NCOA1: variants seen among roughly 807,000 people sequenced by gnomAD.
NCOA1 encodes Hin-2 protein.
Under a neutral mutation model 150.9 loss-of-function variants are expected in NCOA1, and 35 were observed. The observed-to-expected ratio is 0.23, with a 90% CI of 0.18 to 0.31. NCOA1 has a LOEUF of 0.31. NCOA1 is among the 10% of genes least tolerant of loss of function. NCOA1 has a pLI of 1.00. For missense variants in NCOA1, 1,491 were observed against 1,749.3 expected, an observed-to-expected ratio of 0.85 and a Z score of 2.63; for synonymous variants, 590 against 630.0, an observed-to-expected ratio of 0.94 and a Z score of 0.95.
chr2:24,599,512 G>A (rs948179597), intron 3 of NCOA1, among the ~76,000 whole-genome samples: 4 of 152,084 alleles, frequency 2.6e-5, no homozygotes, highest in Non-Finnish European at 4.4e-5. Context: ...TTTCTGCGAA[G>A]GATTTATGAG....
chr2:24,675,649 C>G (rs375250772), intron 7 of NCOA1, among the ~76,000 whole-genome samples: 2 of 152,280 alleles, frequency 1.3e-5, no homozygotes, highest in African/African-American at 4.8e-5. Context: ...CTTTGGGAAG[C>G]CAAGGCGGGT....
chr2:24,537,492 G>A (rs1665207231), intron 1 of NCOA1, among the ~76,000 whole-genome samples: 1 of 151,860 alleles, frequency 6.6e-6, no homozygotes, highest in South Asian at 2.1e-4. Context: ...ATGTGTGTGT[G>A]TGTGTGTCTC....
At chr2:24,607,618 G>A (rs1220455829) in intron 3 of NCOA1, among the ~76,000 whole-genome samples, 1 of 151,956 alleles carries the variant, frequency 6.6e-6, no homozygotes, top group Non-Finnish European at 1.5e-5. Flanking sequence ...TGAACCCAGG[G>A]GGTGGAGATT....
At chr2:24,598,193 C>T (rs1667960177) in intron 3 of NCOA1, among the ~76,000 whole-genome samples, 1 of 152,080 alleles carries the variant, frequency 6.6e-6, no homozygotes, top group South Asian at 2.1e-4. Context: ...TGGTGTTTGA[C>T]CAGATATCTG....
At chr2:24,554,861 A>G (rs1373463487) in intron 1 of NCOA1, among the ~76,000 whole-genome samples, 1 of 152,156 alleles carries the variant, frequency 6.6e-6, no homozygotes, top group Non-Finnish European at 1.5e-5. Context: ...GAGAGCCCCA[A>G]AATGAAAGGA....
chr2:24,707,963 AC>A, intron 13 of NCOA1, 75 bp downstream of exon 13: 1 of 1,468,492 alleles, frequency 6.8e-7, no homozygotes, highest in Non-Finnish European at 9.1e-7. Context: ...CCATCTGTAG[AC>A]CAGATATGAA....
At chr2:24,655,378 T>A (rs1182067753) in intron 4 of NCOA1, among the ~76,000 whole-genome samples, 1 of 152,170 alleles carries the variant, frequency 6.6e-6, no homozygotes, top group Non-Finnish European at 1.5e-5. Flanking sequence ...ATAACATAAT[T>A]TTATTTATAT....
At position 24,715,088 on chromosome 2, in the gene NCOA1, C is replaced by A. The variant is rs536361359; in HGVS notation, c.2599+3977C>A. Among the ~76,000 whole-genome samples, 3 of 152,062 alleles carry A rather than the reference C, an allele frequency of 2.0e-5. No individual in the cohort carries two copies. The East Asian group carries it at 5.8e-4, about 29-fold the overall frequency. ...CTGTATCCAGTATCATTCAGAAATG[C>A]AGGTGAAATAAAGATGTTTTCAAAC... On this transcript the variant is annotated intron_variant, in intron 14 of 22. Transcript: ENST00000348332.
chr2:24,542,381 A>C (rs1279831350), intron 1 of NCOA1, among the ~76,000 whole-genome samples: 3 of 152,226 alleles, frequency 2.0e-5, no homozygotes, highest in Non-Finnish European at 4.4e-5. Flanking sequence ...ATCAGGTTGG[A>C]ATCCAGTCTT....
At position 24,576,149 on chromosome 2, in the gene NCOA1, G is replaced by GTTTTTTTT. The variant is rs1183405187; in HGVS notation, c.-259-8321_-259-8314dup. ...GAGTTTCAGAAATTATTTGGCCTTT[G>GTTTTTTTT]TTTTTTTTTTTTTGTTTTTTGTTTT... On this transcript the variant is annotated intron_variant, in intron 2 of 22. Transcript: ENST00000348332. 2.8e-3 allele frequency among the ~76,000 whole-genome samples: 259 copies of GTTTTTTTT among 93,962 alleles called. 11 individuals are homozygous for GTTTTTTTT. The highest frequency in any genetic ancestry group is 6.7e-3 in the Middle Eastern group (1 of 150). The allele number at this position is 93,962 out of a possible 152,430, so 61.6% of individuals were successfully genotyped here.
At chr2:24,516,977 C>CATATACGTAGATATACGTGTAT (rs1664216085) in intron 1 of NCOA1, among the ~76,000 whole-genome samples, 1 of 58,966 alleles carries the variant, frequency 1.7e-5, no homozygotes, top group Non-Finnish European at 3.8e-5. Context: ...TATATATACA[C>CATATACGTAGATATACGTGTAT]ATATACGTAT....
intron 1 of NCOA1, among the ~76,000 whole-genome samples, chr2:24,514,635 T>G (rs1664089655): frequency 6.6e-6 from 1 of 151,962 alleles, no homozygotes; most frequent in Non-Finnish European, 1.5e-5. Flanking sequence ...AAACTCCATA[T>G]CTACAAAAAT....
chr2:24,756,143 A>G (rs1664489123), intron 20 of NCOA1, among the ~76,000 whole-genome samples: 2 of 151,740 alleles, frequency 1.3e-5, no homozygotes, highest in Admixed American at 1.3e-4. Context: ...AATCCTAGCT[A>G]CTCGGGAGGC....
chr2:24,529,610 A>G (rs1664795699), intron 1 of NCOA1, among the ~76,000 whole-genome samples: 1 of 152,234 alleles, frequency 6.6e-6, no homozygotes, highest in South Asian at 2.1e-4. Context: ...GTGATGGGCT[A>G]CAGGTAAAAA....
chr2:24,563,570 T>C (rs546401645), intron 1 of NCOA1, among the ~76,000 whole-genome samples: 1 of 151,568 alleles, frequency 6.6e-6, no homozygotes, highest in East Asian at 1.9e-4. Context: ...CAGGTTGGAG[T>C]ACAGTGGCAT....
At chr2:24,690,797 A>G (rs2148558522) in intron 8 of NCOA1, among the ~76,000 whole-genome samples, 1 of 152,168 alleles carries the variant, frequency 6.6e-6, no homozygotes, top group East Asian at 1.9e-4. Flanking sequence ...CTTTTCAACA[A>G]CTGAATTCAT....
intron 17 of NCOA1, among the ~76,000 whole-genome samples, chr2:24,734,355 A>G (rs1663180489): frequency 6.6e-6 from 1 of 152,198 alleles, no homozygotes; most frequent in Admixed American, 6.5e-5. Context: ...CAATCAGTAA[A>G]TTCAGTGGAA....
At chr2:24,686,525 A>G (rs1672412959) in intron 8 of NCOA1, among the ~76,000 whole-genome samples, 1 of 152,186 alleles carries the variant, frequency 6.6e-6, no homozygotes, top group Non-Finnish European at 1.5e-5. Context: ...ACCTCCTCCC[A>G]CACACAAAAT....
At chr2:24,638,615 T>G (rs539980294) in intron 3 of NCOA1, among the ~76,000 whole-genome samples, 1 of 152,314 alleles carries the variant, frequency 6.6e-6, no homozygotes, top group South Asian at 2.1e-4. Flanking sequence ...CAACAGTGTT[T>G]AAGAGTTCTC....
Sources: allele counts gnomAD v4.1 joint callset (sites outside exome capture counted in the v4.1 genomes callset), GRCh38; gene constraint gnomAD v4.1.1; transcripts MANE v1.5; gene names NCBI Gene and HGNC (gene_info 2026-07-23, HGNC 2026-07-21).